The following PHGDH variants were observed in gnomAD, a reference collection of about 807,000 sequenced individuals.
PHGDH encodes the protein phosphoglycerate dehydrogenase, also known as D-3-phosphoglycerate dehydrogenase.
PHGDH carries 50 observed loss-of-function variants against 52.6 expected under a neutral mutation model. The ratio of observed to expected loss-of-function variants is 0.95; its 90% CI spans 0.76 to 1.20. PHGDH has a LOEUF of 1.20. PHGDH is among the 50% of genes most tolerant of loss of function. PHGDH has a pLI of 0.00. For synonymous variants in PHGDH, 271 were observed against 280.5 expected, an observed-to-expected ratio of 0.97 and a Z score of 0.34; for missense variants, 630 against 684.6, an observed-to-expected ratio of 0.92 and a Z score of 0.89.
chr1:119,743,986 C>A lies in PHGDH; in HGVS notation c.1548C>A (p.Pro516=). The A allele has an allele frequency of 6.2e-7, 1 of 1,614,120 alleles. No homozygotes were observed. Among genetic ancestry groups the A allele is most frequent in the Non-Finnish European group, 8.5e-7 (1 of 1,179,948 alleles). ...TCATGGGCATCTCCTCCTTGCTGCC[C>A]AGCCTGGAAGCGTGGAAGCAGCATG... ...WHVMGISSLL[P]SLEAWKQHVT... Residue 516 remains proline, a synonymous_variant, in exon 12 of 12, where the codon CCC becomes CCA. Transcript: ENST00000641023.
intron 8 of PHGDH, among the ~76,000 whole-genome samples, chr1:119,738,338 C>CT (rs1283415796): frequency 1.3e-5 from 2 of 152,222 alleles, no homozygotes; most frequent in Admixed American, 6.5e-5. Flanking sequence ...CCAGGCCTCT[C>CT]TGCCCCCTCC....
rs587637741 is a variant in PHGDH at position 119,720,825 on chromosome 1, A to G, written c.139-345A>G. ...CAGGAGATGGCCCCTGACTTCCAGC[A>G]TGTGTCTGATGGACATCCAGGCTGC... On this transcript the variant is annotated intron_variant, in intron 1 of 11. Coordinates refer to ENST00000641023, the MANE Select transcript of PHGDH (RefSeq NM_006623.4). 2.7e-5 allele frequency: 10 copies of G among 371,090 alleles called. No individual in the cohort carries two copies. The Admixed American group carries it at 3.4e-4, about 13-fold the overall frequency. The allele number at this position is 371,090 out of a possible 1,614,324, so 23.0% of individuals were successfully genotyped here. A position where few individuals can be genotyped will look rare whatever the true frequency, so the allele number is the denominator to read the frequency against.
chr1:119,740,367 G>T lies in PHGDH; in HGVS notation c.946-19G>T, dbSNP rs745359903. 3.7e-6 allele frequency: 6 copies of T among 1,613,810 alleles called. No homozygotes were observed. In the Admixed American group the frequency reaches 5.0e-5, roughly 13 times the overall value. ...CATGCCTCTTCCTGACCACAGCCCC[G>T]CTCCTCCATCCTCTGCAGGTGAATG... On this transcript the variant is annotated intron_variant, in intron 8 of 11. Transcript: ENST00000641023.
rs1405554763 is a variant in PHGDH at position 119,742,828 on chromosome 1, G to A, written c.1231G>A (p.Ala411Thr). The change falls in exon 11 of 12, where the codon GCT becomes ACT. Residue 411 changes from alanine to threonine, a missense_variant. By Grantham distance (58) the Ala-to-Thr change is moderately conservative (BLOSUM62 0). Transcript: ENST00000641023. ...GLNVTTSHSP[A>T]APGEQGFGEC... The stretch of plus-strand genomic sequence containing the variant: ...ACAGGTCACCACCTCCCACAGCCCT[G>A]CTGCACCAGGGGAGCAAGGCTTCGG... The A allele has an allele frequency of 6.2e-7, 1 of 1,612,060 alleles. No homozygotes were observed. Among genetic ancestry groups the A allele is most frequent in the African/African-American group, 1.3e-5 (1 of 75,008 alleles).
Position 119,743,962 on chromosome 1 carries a change from C to T in PHGDH, c.1524C>T (p.Val508=). 1 of 1,613,908 alleles carries T rather than the reference C, an allele frequency of 6.2e-7. No individual in the cohort carries two copies. The highest frequency in any genetic ancestry group is 1.1e-5 in the South Asian group (1 of 91,074). ...SLVSDGETWH[V]MGISSLLPSL... ...TGTCAGATGGGGAGACCTGGCACGT[C>T]ATGGGCATCTCCTCCTTGCTGCCCA... Residue 508 remains valine, a synonymous_variant, in exon 12 of 12, where the codon GTC becomes GTT. Coordinates refer to ENST00000641023, the MANE Select transcript of PHGDH (RefSeq NM_006623.4).
intron 3 of PHGDH, chr1:119,726,590 G>A: frequency 1.7e-6 from 1 of 571,538 alleles, no homozygotes; most frequent in South Asian, 2.0e-5. Flanking sequence ...ATGCCTCAGT[G>A]GCTGAGGTGG....
In PHGDH at chr1:119,743,972, T is replaced by G. The variant is rs375098288; in HGVS notation, c.1534T>G (p.Ser512Ala). ...DGETWHVMGISSLLPSLEAWK... is the reference protein window; with the variant it reads ...DGETWHVMGIASLLPSLEAWK... ...GGAGACCTGGCACGTCATGGGCATC[T>G]CCTCCTTGCTGCCCAGCCTGGAAGC... is the stretch of plus-strand genomic sequence containing the variant. Residue 512 changes from serine (S) to alanine (A), a missense_variant, in exon 12 of 12, where the codon TCC (serine) becomes GCC (alanine). Transcript: ENST00000641023. The G allele has an allele frequency of 1.6e-5, 26 of 1,613,472 alleles. No homozygotes were observed. The highest frequency in any genetic ancestry group is 1.9e-5 in the Non-Finnish European group (23 of 1,179,498).
At chr1:119,718,593 T>A (rs867140503) in intron 1 of PHGDH, among the ~76,000 whole-genome samples, 12 of 152,226 alleles carry the variant, frequency 7.9e-5, no homozygotes, top group Admixed American at 2.6e-4. Flanking sequence ...TGGTTTTTGA[T>A]CTGTAAGAGT....
chr1:119,736,410 T>A (rs1427281907), intron 7 of PHGDH, among the ~76,000 whole-genome samples: 1 of 152,204 alleles, frequency 6.6e-6, no homozygotes, highest in Non-Finnish European at 1.5e-5. Context: ...CATGGTTACA[T>A]GTGGCCAGGA....
intron 3 of PHGDH, among the ~76,000 whole-genome samples, chr1:119,725,787 G>A (rs1193276814): frequency 6.6e-6 from 1 of 152,168 alleles, no homozygotes; most frequent in Non-Finnish European, 1.5e-5. Flanking sequence ...TTGGCATCAG[G>A]TTAAAGGCCT....
At chr1:119,713,560 C>G (rs750966225) in intron 1 of PHGDH, 3 of 152,260 alleles carry the variant, frequency 2.0e-5, no homozygotes, top group Non-Finnish European at 4.4e-5. Context: ...CTAACCTTTG[C>G]GTGTTCCCCT....
In PHGDH at chr1:119,712,080, C is replaced by G. The variant is rs1450543903; in HGVS notation, c.58C>G (p.Arg20Gly). Reference protein sequence around the residue: ...LISDSLDPCCRKILQDGGLQV... With the variant: ...LISDSLDPCCGKILQDGGLQV... Reference sequence around the variant, plus strand: ...CAGTGACAGCCTGGACCCTTGCTGCCGGAAGATCTTGCAAGATGGAGGGCT... The same window carrying G: ...CAGTGACAGCCTGGACCCTTGCTGCGGGAAGATCTTGCAAGATGGAGGGCT... The change falls in exon 1 of 12, where the codon CGG (arginine) becomes GGG (glycine). Residue 20 changes from arginine (R) to glycine (G), a missense_variant. Physicochemically the swap from Arg to Gly is moderately radical, Grantham distance 125. Transcript: ENST00000641023. The G allele has an allele frequency of 1.9e-6, 3 of 1,613,972 alleles. No individual in the cohort carries two copies. Among genetic ancestry groups the G allele is most frequent in the Non-Finnish European group, 2.5e-6 (3 of 1,179,984 alleles).
Position 119,711,993 on chromosome 1 carries a change from C to T in PHGDH, c.-30C>T, listed in dbSNP as rs755728483. On this transcript the variant is annotated 5_prime_UTR_variant, in exon 1 of 12. Transcript: ENST00000641023. ...TTCTTGGCTTAGGTACTTCTACTCA[C>T]AGCGGCCGATTCCGAGGCCAACTCC... 4.3e-6 allele frequency: 7 copies of T among 1,613,132 alleles called. No homozygotes were observed. The South Asian group carries it at 7.7e-5, about 18-fold the overall frequency.
At chr1:119,724,903 C>T (rs1231297323) in intron 3 of PHGDH, 2 of 456,550 alleles carry the variant, frequency 4.4e-6, no homozygotes, top group East Asian at 6.9e-5. Flanking sequence ...AACACGCACA[C>T]CCTATTGGGA....
chr1:119,730,098 G>GACAAAGTATGATAAT (rs1284081689), intron 5 of PHGDH: 3 of 152,118 alleles, frequency 2.0e-5, no homozygotes, highest in African/African-American at 7.2e-5. Flanking sequence ...ATACTTTTGA[G>GACAAAGTATGATAAT]TCTGGATGAA....
At chr1:119,721,935 G>A (rs1031005943) in intron 2 of PHGDH, among the ~76,000 whole-genome samples, 2 of 152,230 alleles carry the variant, frequency 1.3e-5, no homozygotes, top group African/African-American at 4.8e-5. Flanking sequence ...CAGCACGCCA[G>A]TGCTGTACTG....
intron 1 of PHGDH, chr1:119,720,327 T>A (rs1182581326): frequency 2.0e-5 from 3 of 152,232 alleles, no homozygotes; most frequent in Non-Finnish European, 4.4e-5. Flanking sequence ...ATTTAATTGC[T>A]CTCATTTTTC....
intron 5 of PHGDH, among the ~76,000 whole-genome samples, chr1:119,733,005 A>G (rs1256068875): frequency 6.6e-6 from 1 of 152,216 alleles, no homozygotes; most frequent in African/African-American, 2.4e-5. Context: ...GACGAAGAAG[A>G]CTTGTGACAA....
chr1:119,743,080 G>A (rs1652289604), intron 11 of PHGDH, 36 bp downstream of exon 11: 2 of 1,375,424 alleles, frequency 1.5e-6, no homozygotes, highest in South Asian at 2.3e-5. Flanking sequence ...TGGTGTCCTT[G>A]AGGCTGGGGT....
Sources: gnomAD v4.1 joint callset for allele counts (sites outside exome capture counted in the v4.1 genomes callset) on GRCh38, gnomAD v4.1.1 for gene constraint, MANE v1.5 for transcripts, NCBI Gene and HGNC (gene_info 2026-07-23, HGNC 2026-07-21) for gene names.